The following FBN1 variants were observed in gnomAD, a reference collection of about 807,000 sequenced individuals.
FBN1 encodes fibrillin-1.
A neutral mutation model predicts 365.1 loss-of-function variants in FBN1; 29 were observed. The ratio of observed to expected loss-of-function variants is 0.08; its 90% CI spans 0.06 to 0.11. The LOEUF is 0.11. FBN1 is among the 10% of genes least tolerant of loss of function. The pLI is 1.00. For synonymous variants in FBN1, 1,210 were observed against 1,270.5 expected, an observed-to-expected ratio of 0.95 and a Z score of 1.01; for missense variants, 2,476 against 3,703.2, an observed-to-expected ratio of 0.67 and a Z score of 8.60.
chr15:48,468,397 T>C lies in FBN1; in HGVS notation c.4582+15A>G, dbSNP rs2043340345. On this transcript the variant is annotated intron_variant, in intron 37 of 65. Coordinates refer to ENST00000316623, the MANE Select transcript of FBN1 (RefSeq NM_000138.5). Reference sequence around the variant, plus strand: ...ACAGTATGCTTGCTTCTCTGAAAAGTTTTTAAGGTCTTACCAACACAGCCA... The same window carrying C: ...ACAGTATGCTTGCTTCTCTGAAAAGCTTTTAAGGTCTTACCAACACAGCCA... 6.2e-7 allele frequency: 1 copy of C among 1,614,024 alleles called. No homozygotes were observed. The highest frequency in any genetic ancestry group is 2.2e-5 in the East Asian group (1 of 44,874).
chr15:48,445,356 T>A lies in FBN1; in HGVS notation c.5917+20A>T. ...TCTCTGGAAGCATTCTTTCCAGGTC[T>A]TTCTAAGTCCTGTACTTACCCACAC... On this transcript the variant is annotated intron_variant, in intron 48 of 65. Transcript: ENST00000316623. 1 of 1,612,226 alleles carries A rather than the reference T, an allele frequency of 6.2e-7. No homozygotes were observed. Among genetic ancestry groups the A allele is most frequent in the Non-Finnish European group, 8.5e-7 (1 of 1,178,752 alleles).
At chr15:48,554,467 T>C (rs1402177247) in intron 6 of FBN1, among the ~76,000 whole-genome samples, 1 of 152,204 alleles carries the variant, frequency 6.6e-6, no homozygotes, top group Non-Finnish European at 1.5e-5. Flanking sequence ...TTTTTGTAAA[T>C]ATATTCACTG....
chr15:48,630,276 AT>A (rs1368330769), intron 2 of FBN1, among the ~76,000 whole-genome samples: 1 of 152,224 alleles, frequency 6.6e-6, no homozygotes, highest in African/African-American at 2.4e-5. Flanking sequence ...AAAAGGTTAA[AT>A]TTGGGTTTTT....
intron 6 of FBN1, among the ~76,000 whole-genome samples, chr15:48,568,479 C>A (rs2044278474): frequency 6.6e-6 from 1 of 151,944 alleles, no homozygotes; most frequent in African/African-American, 2.4e-5. Context: ...AATCTCAATG[C>A]AATGTTTTGT....
At chr15:48,618,065 C>CT (rs572474013) in intron 2 of FBN1, among the ~76,000 whole-genome samples, 21 of 148,602 alleles carry the variant, frequency 1.4e-4, no homozygotes, top group East Asian at 9.9e-4. Context: ...CCATTAACTG[C>CT]TTTTTTTTTT....
chr15:48,421,712 G>A, intron 61 of FBN1, 26 bp from the exon 62 acceptor site: 1 of 1,610,652 alleles, frequency 6.2e-7, no homozygotes, highest in South Asian at 1.1e-5. Context: ...GGGGCAAAGA[G>A]GGGTTAAAAT....
At position 48,430,831 on chromosome 15, in the gene FBN1, T is replaced by C. The variant is rs776266077; in HGVS notation, c.6740-29A>G. On this transcript the variant is annotated intron_variant, in intron 55 of 65. Coordinates refer to ENST00000316623, the MANE Select transcript of FBN1 (RefSeq NM_000138.5). ...TAAAAAATGTACAATCACAAATTTG[T>C]CAAAGAAAATGCATATATCTGCCTT... 7.5e-6 allele frequency: 12 copies of C among 1,610,496 alleles called. No individual in the cohort carries two copies. In the South Asian group the frequency reaches 1.1e-4, roughly 15 times the overall value.
chr15:48,520,697 A>T lies in FBN1; in HGVS notation c.1109T>A (p.Val370Asp). The change falls in exon 10 of 66, where the codon GTC (valine) becomes GAC (aspartate). Residue 370 changes from valine (V) to aspartate (D), a missense_variant. Transcript: ENST00000316623. ...CDAGRCWSPG[V>D]TVAPEMCPIR... Reference sequence around the variant, plus strand: ...GGGACACATCTCAGGGGCGACAGTGACCCCTGGAGACCAGCATCGGCCGGC... The same window carrying T: ...GGGACACATCTCAGGGGCGACAGTGTCCCCTGGAGACCAGCATCGGCCGGC... 6.2e-7 allele frequency: 1 copy of T among 1,613,996 alleles called. No individual in the cohort carries two copies.
chr15:48,412,485 T>C (rs2042871202), intron 65 of FBN1, 84 bp downstream of exon 65: 8 of 1,469,192 alleles, frequency 5.4e-6, no homozygotes. Flanking sequence ...TTTCACACTT[T>C]GGAGCATCCT....
chr15:48,516,420 C>A lies in FBN1; in HGVS notation c.1148-58G>T, dbSNP rs567899469. 9 of 1,511,158 alleles carry A rather than the reference C, an allele frequency of 6.0e-6. No individual in the cohort carries two copies. The African/African-American group carries it at 1.2e-4, about 21-fold the overall frequency. 93.6% of individuals were successfully genotyped at this position (1,511,158 alleles called of 1,614,324 possible). A position where few individuals can be genotyped will look rare whatever the true frequency, so the allele number is the denominator to read the frequency against. On this transcript the variant is annotated intron_variant, in intron 10 of 65. Coordinates refer to ENST00000316623, the MANE Select transcript of FBN1 (RefSeq NM_000138.5). ...CTGAGCTGTAGCTTATGATCATAGG[C>A]CCACAGAAGTCATCCTTATTTTTTT...
At chr15:48,545,417 A>C (rs1457913226) in intron 6 of FBN1, among the ~76,000 whole-genome samples, 1 of 152,228 alleles carries the variant, frequency 6.6e-6, no homozygotes, top group African/African-American at 2.4e-5. Context: ...AATATTGTGT[A>C]CGTGGAGGGT....
chr15:48,464,292 C>T (rs1254140711), intron 40 of FBN1, among the ~76,000 whole-genome samples: 1 of 152,122 alleles, frequency 6.6e-6, no homozygotes, highest in Non-Finnish European at 1.5e-5. Context: ...GGGTGGATCA[C>T]TTGAGGTCAG....
rs77702824 is a variant in FBN1 at position 48,418,694 on chromosome 15, G to T, written c.7819+1993C>A. ...CCAGTTGGTACTTAGATTGGTGAGGGTTTTGTTTGTTTTATAAAAAGAGAC... is the reference window on the plus strand; with the variant it reads ...CCAGTTGGTACTTAGATTGGTGAGGTTTTTGTTTGTTTTATAAAAAGAGAC... On this transcript the variant is annotated intron_variant, in intron 63 of 65. Transcript: ENST00000316623. Among the ~76,000 whole-genome samples, 635 of 152,196 alleles carry T rather than the reference G, an allele frequency of 4.2e-3. 14 individuals are homozygous for T. Among genetic ancestry groups the T allele is most frequent in the East Asian group, 0.032 (165 of 5,186 alleles).
intron 18 of FBN1, among the ~76,000 whole-genome samples, chr15:48,497,765 AC>A (rs1391934562): frequency 6.6e-6 from 1 of 152,172 alleles, no homozygotes; most frequent in Non-Finnish European, 1.5e-5. Flanking sequence ...TCTTCCATCT[AC>A]CCTGCACTAC....
intron 5 of FBN1, among the ~76,000 whole-genome samples, chr15:48,597,679 C>A (rs1210687094): frequency 6.6e-6 from 1 of 152,218 alleles, no homozygotes. Context: ...CTGACACAAC[C>A]CTTTTTAACC....
intron 6 of FBN1, among the ~76,000 whole-genome samples, chr15:48,568,027 A>AAGAT (rs2044271357): frequency 8.8e-6 from 1 of 113,502 alleles, no homozygotes; most frequent in African/African-American, 4.0e-5. Context: ...GAAAGAAAGA[A>AAGAT]AGAAAGAAAG....
At chr15:48,462,866 G>A (rs1414782056) in intron 42 of FBN1, among the ~76,000 whole-genome samples, 1 of 152,166 alleles carries the variant, frequency 6.6e-6, no homozygotes. Context: ...CTACAAGTCT[G>A]GTTACGTATT....
At chr15:48,565,889 C>A (rs559475797) in intron 6 of FBN1, among the ~76,000 whole-genome samples, 1 of 152,260 alleles carries the variant, frequency 6.6e-6, no homozygotes, top group African/African-American at 2.4e-5. Flanking sequence ...GCATCTAATG[C>A]ATGATTTGCA....
rs756351292 is a variant in FBN1, at chr15:48,446,737, A to G, written c.5757T>C (p.Gly1919=). Residue 1919 remains glycine (G), a synonymous_variant, in exon 47 of 66, where the codon GGT becomes GGC. Coordinates refer to ENST00000316623, the MANE Select transcript of FBN1 (RefSeq NM_000138.5). ...IGSFNCRCNH[G]FILSHNNDCI... is the part of the protein sequence containing the mutation. ...AGTCATTGTTGTGAGAAAGGATGAA[A>G]CCATGATTGCAGCGGCAGTTGAAGG... The G allele has an allele frequency of 1.2e-6, 2 of 1,613,234 alleles. No homozygotes were observed. Among genetic ancestry groups the G allele is most frequent in the Non-Finnish European group, 1.7e-6 (2 of 1,179,260 alleles).
Sources: allele counts gnomAD v4.1 joint callset (sites outside exome capture counted in the v4.1 genomes callset), GRCh38; gene constraint gnomAD v4.1.1; transcripts MANE v1.5; gene names NCBI Gene and HGNC (gene_info 2026-07-23, HGNC 2026-07-21).